PLCB1: variants seen among roughly 807,000 people sequenced by gnomAD.
The protein encoded by PLCB1 is phospholipase C beta 1.
Under a neutral mutation model 161.8 loss-of-function variants are expected in PLCB1, and 46 were observed. That is an observed-to-expected ratio of 0.28 (90% CI 0.22 to 0.36). The LOEUF (loss-of-function observed/expected upper bound fraction) is 0.36, where lower values mean the gene tolerates loss of function less well. Ranked by LOEUF, PLCB1 falls within the 10% of genes least tolerant of loss-of-function variation. The pLI is 1.00. For missense variants in PLCB1, 1,016 were observed against 1,472.5 expected (o/e 0.69, Z 5.07); for synonymous variants, 517 against 503.7 (o/e 1.03, Z -0.35).
intron 11 of PLCB1, among the ~76,000 whole-genome samples, chr20:8,701,498 A>C (rs916326187): frequency 6.6e-6 from 1 of 152,040 alleles, no homozygotes; most frequent in African/African-American, 2.4e-5. Flanking sequence ...CCCAATCCCC[A>C]CACTACTGAC....
At chr20:8,783,286 A>C (rs1206968055) in intron 27 of PLCB1, among the ~76,000 whole-genome samples, 3 of 152,232 alleles carry the variant, frequency 2.0e-5, no homozygotes, top group African/African-American at 4.8e-5. Flanking sequence ...CTTCTTCTCT[A>C]CCTTTAATAG....
intron 2 of PLCB1, among the ~76,000 whole-genome samples, chr20:8,239,198 C>T (rs943984188): frequency 7.2e-5 from 11 of 151,946 alleles, no homozygotes; most frequent in Non-Finnish European, 1.0e-4. Context: ...AGGGAACTAA[C>T]GCCTTCCAGA....
intron 2 of PLCB1, among the ~76,000 whole-genome samples, chr20:8,152,462 G>T (rs62198529): frequency 0.11 from 16,012 of 152,116 alleles, 1,144 homozygotes; most frequent in Non-Finnish European, 0.17. Context: ...GCAAATAAAA[G>T]ATGGCATGCC....
At chr20:8,331,424 T>C (rs1055741343) in intron 2 of PLCB1, among the ~76,000 whole-genome samples, 12 of 152,208 alleles carry the variant, frequency 7.9e-5, no homozygotes, top group African/African-American at 2.9e-4. Context: ...TTTCTTTGTT[T>C]TTTGTTTTAT....
intron 31 of PLCB1, among the ~76,000 whole-genome samples, chr20:8,807,225 A>G (rs1453673309): frequency 6.6e-6 from 1 of 152,228 alleles, no homozygotes; most frequent in African/African-American, 2.4e-5. Flanking sequence ...TGGAGGACTC[A>G]TTAAGTAGTT....
intron 2 of PLCB1, among the ~76,000 whole-genome samples, chr20:8,329,778 C>T (rs910630439): frequency 6.6e-6 from 1 of 152,136 alleles, no homozygotes; most frequent in Non-Finnish European, 1.5e-5. Context: ...TCAGAGTCCA[C>T]CTATGCAATT....
At chr20:8,764,765 A>G (rs1982225625) in intron 25 of PLCB1, among the ~76,000 whole-genome samples, 1 of 152,104 alleles carries the variant, frequency 6.6e-6, no homozygotes, top group Admixed American at 6.5e-5. Flanking sequence ...ACCAGACTCC[A>G]TCCTTCTGAG....
intron 12 of PLCB1, among the ~76,000 whole-genome samples, chr20:8,713,311 T>C (rs1979121212): frequency 6.6e-6 from 1 of 152,084 alleles, no homozygotes; most frequent in African/African-American, 2.4e-5. Flanking sequence ...GCCTCCTAAG[T>C]AGCTGGTATT....
chr20:8,655,670 G>A (rs1388344583), intron 7 of PLCB1, among the ~76,000 whole-genome samples: 3 of 152,048 alleles, frequency 2.0e-5, no homozygotes, highest in Admixed American at 2.0e-4. Flanking sequence ...GTGAAAGGGG[G>A]AATGAGGTGA....
chr20:8,423,839 G>C (rs934215099), intron 3 of PLCB1, among the ~76,000 whole-genome samples: 1 of 152,104 alleles, frequency 6.6e-6, no homozygotes, highest in Non-Finnish European at 1.5e-5. Context: ...CATGAGGCAG[G>C]GTCCTAATCA....
intron 3 of PLCB1, among the ~76,000 whole-genome samples, chr20:8,453,349 T>C (rs938549091): frequency 1.2e-4 from 19 of 152,146 alleles, no homozygotes; most frequent in African/African-American, 4.3e-4. Context: ...ACTTTGGAGG[T>C]AAATAGACTT....
At chr20:8,156,816 C>T (rs2051568087) in intron 2 of PLCB1, among the ~76,000 whole-genome samples, 1 of 152,214 alleles carries the variant, frequency 6.6e-6, no homozygotes. Flanking sequence ...AATGACTTAG[C>T]ATAACACCTG....
chr20:8,147,826 A>G (rs950356667), intron 1 of PLCB1, among the ~76,000 whole-genome samples: 1 of 152,146 alleles, frequency 6.6e-6, no homozygotes, highest in African/African-American at 2.4e-5. Context: ...TATCTGAAAC[A>G]AACTAGGCAG....
chr20:8,783,623 G>A (rs1271458665), intron 27 of PLCB1, among the ~76,000 whole-genome samples: 2 of 152,128 alleles, frequency 1.3e-5, no homozygotes, highest in African/African-American at 2.4e-5. Flanking sequence ...AGGCCAGAAG[G>A]GTATATACTA....
rs1028904563 is a variant in PLCB1, at chr20:8,523,580, G to A, written c.247-104714G>A. ...AAAAGGAAAGCACATGACCGTGAAC[G>A]AATCTAGCAGTATGAGAATTTGATT... On this transcript the variant is annotated intron_variant, in intron 3 of 31. Coordinates refer to ENST00000338037, the MANE Select transcript of PLCB1 (RefSeq NM_015192.4). Among the ~76,000 whole-genome samples, 7 of 144,208 alleles carry A rather than the reference G, an allele frequency of 4.9e-5. No homozygotes were observed. The Admixed American group carries it at 5.0e-4, about 10-fold the overall frequency. 94.6% of individuals were successfully genotyped at this position (144,208 alleles called of 152,430 possible). A position where few individuals can be genotyped will look rare whatever the true frequency, so the allele number is the denominator to read the frequency against.
At chr20:8,216,185 T>C (rs952510854) in intron 2 of PLCB1, among the ~76,000 whole-genome samples, 1 of 152,168 alleles carries the variant, frequency 6.6e-6, no homozygotes, top group African/African-American at 2.4e-5. Context: ...CAAAGTTTTA[T>C]GTAAACTGTA....
chr20:8,668,360 G>T (rs1989865580), intron 9 of PLCB1, among the ~76,000 whole-genome samples: 1 of 152,164 alleles, frequency 6.6e-6, no homozygotes, highest in Non-Finnish European at 1.5e-5. Context: ...TGACAGCAAA[G>T]ATTATCTCCA....
At chr20:8,788,061 T>C (rs908339237) in intron 27 of PLCB1, among the ~76,000 whole-genome samples, 1 of 152,202 alleles carries the variant, frequency 6.6e-6, no homozygotes, top group Non-Finnish European at 1.5e-5. Context: ...AAGACAGTGA[T>C]CAACTGAGAA....
In PLCB1 at chr20:8,518,128, G is replaced by A. The variant is rs1277317902; in HGVS notation, c.247-110166G>A. ...ACCCAGGAGGCGGAGGTTGCAGTGAGCCAAGATCGCACCACTGCACACCAG... is the reference window on the plus strand; with the variant it reads ...ACCCAGGAGGCGGAGGTTGCAGTGAACCAAGATCGCACCACTGCACACCAG... On this transcript the variant is annotated intron_variant, in intron 3 of 31. Coordinates refer to ENST00000338037, the MANE Select transcript of PLCB1 (RefSeq NM_015192.4). Among the ~76,000 whole-genome samples, 3 of 152,070 alleles carry A rather than the reference G, an allele frequency of 2.0e-5. No individual in the cohort carries two copies. In the East Asian group the frequency reaches 5.8e-4, roughly 30 times the overall value.
Sources: gnomAD v4.1 joint callset for allele counts (sites outside exome capture counted in the v4.1 genomes callset) on GRCh38, gnomAD v4.1.1 for gene constraint, MANE v1.5 for transcripts, NCBI Gene and HGNC (gene_info 2026-07-23, HGNC 2026-07-21) for gene names.